The following MIA2 variants were observed in gnomAD, a reference collection of about 807,000 sequenced individuals.
MIA2 encodes MIA SH3 domain ER export factor 2, also known as melanoma inhibitory activity protein 2.
In MIA2, 127 loss-of-function variants were observed where a neutral mutation model predicts 167.8. The observed-to-expected ratio is 0.76, with a 90% CI of 0.66 to 0.88. MIA2 has a LOEUF of 0.88. Ranked by LOEUF, MIA2 falls within the 40% of genes least tolerant of loss-of-function variation. The pLI is 0.00. For missense variants in MIA2, 1,690 were observed against 1,624.7 expected (o/e 1.04, Z -0.69); for synonymous variants, 552 against 541.9 (o/e 1.02, Z -0.26).
chr14:39,259,523 CTCTT>C (rs750307619), intron 6 of MIA2, among the ~76,000 whole-genome samples: 64 of 151,910 alleles, frequency 4.2e-4, no homozygotes, highest in Non-Finnish European at 8.1e-4. Context: ...TTCTCTCTCT[CTCTT>C]TCTCTTTTTT....
chr14:39,297,333 C>G (rs1022065748), intron 13 of MIA2, among the ~76,000 whole-genome samples: 3 of 151,922 alleles, frequency 2.0e-5, no homozygotes, highest in African/African-American at 7.3e-5. Context: ...CTCAAGTGAT[C>G]TGCTTGCCTC....
chr14:39,267,326 G>T (rs1381114443), intron 6 of MIA2: 18 of 1,518,094 alleles, frequency 1.2e-5, no homozygotes, highest in Non-Finnish European at 1.4e-5. Flanking sequence ...CCCCGCAGCC[G>T]GCTCCGCAGT....
intron 9 of MIA2, among the ~76,000 whole-genome samples, chr14:39,288,450 TA>T (rs1203411357): frequency 0.084 from 2,129 of 25,412 alleles, 347 homozygotes; most frequent in African/African-American, 0.18. Context: ...TATATATATA[TA>T]TATATATATA....
chr14:39,252,786 G>A lies in MIA2; in HGVS notation c.1606G>A (p.Glu536Lys), dbSNP rs200876456. The change falls in exon 5 of 29, where the codon GAA becomes AAA. Residue 536 changes from glutamate to lysine, a missense_variant. Physicochemically the swap from Glu to Lys is moderately conservative, Grantham distance 56. Coordinates refer to ENST00000640607, the MANE Select transcript of MIA2 (RefSeq NM_001329214.4). ...SNIELPTRIH[E>K]EVYFEPSSSK... is the part of the protein sequence containing the mutation. ...CATAGAGTTACCTACGAGAATTCAC[G>A]AAGAAGTATATTTTGAACCCTCATC... is the stretch of plus-strand genomic sequence containing the variant. 3.6e-5 allele frequency: 58 copies of A among 1,613,372 alleles called. No individual in the cohort carries two copies. The highest frequency in any genetic ancestry group is 4.5e-5 in the Non-Finnish European group (53 of 1,179,670).
At chr14:39,288,478 T>G in intron 9 of MIA2, among the ~76,000 whole-genome samples, 1 of 64,036 alleles carries the variant, frequency 1.6e-5, no homozygotes, top group East Asian at 4.2e-4. Flanking sequence ...TATATATATT[T>G]TTTTTTTTTT....
intron 24 of MIA2, among the ~76,000 whole-genome samples, chr14:39,322,877 A>G (rs2066731025): frequency 6.6e-6 from 1 of 152,208 alleles, no homozygotes; most frequent in Non-Finnish European, 1.5e-5. Flanking sequence ...GGCATTCTTC[A>G]CCAGTGAAAC....
At chr14:39,275,395 C>T (rs2057853665) in intron 6 of MIA2, among the ~76,000 whole-genome samples, 1 of 152,234 alleles carries the variant, frequency 6.6e-6, no homozygotes, top group Non-Finnish European at 1.5e-5. Flanking sequence ...CCTACGTTGG[C>T]TTCCCAAAGT....
chr14:39,265,436 A>G lies in MIA2; in HGVS notation c.1888-11498A>G, dbSNP rs747011225. The stretch of plus-strand genomic sequence containing the variant: ...CAGAGGAAGAGGTGAGTTTATAACT[A>G]TTAAGCATACTGAAACAAATGAGGT... On this transcript the variant is annotated intron_variant, in intron 6 of 28. Transcript: ENST00000640607. The G allele has an allele frequency of 1.8e-5, 29 of 1,600,006 alleles. No individual in the cohort carries two copies. The East Asian group carries it at 5.2e-4, about 29-fold the overall frequency.
intron 6 of MIA2, among the ~76,000 whole-genome samples, chr14:39,263,047 ACT>A (rs1297633559): frequency 6.6e-6 from 1 of 152,186 alleles, no homozygotes; most frequent in Non-Finnish European, 1.5e-5. Flanking sequence ...AACTTCGAAC[ACT>A]GTGTTGAATA....
chr14:39,306,331 C>A (rs891475985), intron 17 of MIA2, among the ~76,000 whole-genome samples: 1 of 152,140 alleles, frequency 6.6e-6, no homozygotes, highest in African/African-American at 2.4e-5. Flanking sequence ...GCAGGCTGTA[C>A]AGGCTTCTGC....
chr14:39,274,431 C>CTTTTTTTT (rs547198743), intron 6 of MIA2, among the ~76,000 whole-genome samples: 42 of 136,946 alleles, frequency 3.1e-4, no homozygotes, highest in East Asian at 6.4e-4. Context: ...TTCTTTTTTT[C>CTTTTTTTT]TTTTTTTTTT....
intron 13 of MIA2, among the ~76,000 whole-genome samples, chr14:39,297,236 G>A (rs1279122464): frequency 6.6e-6 from 1 of 152,022 alleles, no homozygotes; most frequent in African/African-American, 2.4e-5. Context: ...TGGGATTGCA[G>A]GCATGTACCA....
chr14:39,365,655 CTATCTAT>C (rs1567053064), intron 23 of MIA2, among the ~76,000 whole-genome samples: 7 of 2,198 alleles, frequency 3.2e-3, no homozygotes, highest in Non-Finnish European at 2.5e-3. Flanking sequence ...AAATACCTAT[CTATCTAT>C]CTATCTATCT....
chr14:39,385,486 C>G (rs1015022350), intron 23 of MIA2: 1 of 941,766 alleles, frequency 1.1e-6, no homozygotes, highest in Non-Finnish European at 1.8e-6. Flanking sequence ...AGTGATCTTG[C>G]TCTCCTGTGT....
At chr14:39,291,348 C>G (rs1268109647) in intron 10 of MIA2, among the ~76,000 whole-genome samples, 1 of 152,136 alleles carries the variant, frequency 6.6e-6, no homozygotes, top group Non-Finnish European at 1.5e-5. Flanking sequence ...TTCAAGGAAT[C>G]AGGAGCTGTA....
At chr14:39,327,616 CT>C (rs141950504) in intron 25 of MIA2, among the ~76,000 whole-genome samples, 40,196 of 151,738 alleles carry the variant, frequency 0.26, 5,517 homozygotes, top group East Asian at 0.5. Flanking sequence ...CTATCCTCCC[CT>C]GGCCCCCCAC....
intron 4 of MIA2, among the ~76,000 whole-genome samples, chr14:39,251,288 G>A (rs1426228186): frequency 6.7e-6 from 1 of 149,920 alleles, no homozygotes; most frequent in Non-Finnish European, 1.5e-5. Flanking sequence ...TTTACAAAAG[G>A]ATTCCAATTG....
chr14:39,270,385 A>G (rs149535265), intron 6 of MIA2, among the ~76,000 whole-genome samples: 1,551 of 151,394 alleles, frequency 0.01, 8 homozygotes, highest in Middle Eastern at 0.024. Flanking sequence ...TATTTTTAGT[A>G]GAGACAGGTT....
intron 23 of MIA2, among the ~76,000 whole-genome samples, chr14:39,375,581 C>T (rs1447433192): frequency 6.6e-6 from 1 of 152,116 alleles, no homozygotes; most frequent in East Asian, 1.9e-4. Flanking sequence ...TCTGTAATCC[C>T]AGCTACTCAG....
Sources: gnomAD v4.1 joint callset for allele counts (sites outside exome capture counted in the v4.1 genomes callset) on GRCh38, gnomAD v4.1.1 for gene constraint, MANE v1.5 for transcripts, NCBI Gene and HGNC (gene_info 2026-07-23, HGNC 2026-07-21) for gene names.